The following CFAP251 variants were observed in gnomAD, a reference collection of about 807,000 sequenced individuals.
CFAP251 encodes the protein cilia- and flagella-associated protein 251.
A neutral mutation model predicts 126.7 loss-of-function variants in CFAP251; 93 were observed. The ratio of observed to expected loss-of-function variants is 0.73; its 90% CI spans 0.62 to 0.87. The LOEUF is 0.87. Among genes scored for constraint, CFAP251 ranks in the 40% least tolerant of loss-of-function variants. The pLI is 0.00. For missense variants in CFAP251, 1,287 were observed against 1,389.2 expected (o/e 0.93, Z 1.17); for synonymous variants, 503 against 506.9 (o/e 0.99, Z 0.10).
At position 121,942,943 on chromosome 12, in the gene CFAP251, A is replaced by C. The variant is rs1282310748; in HGVS notation, c.1159A>C (p.Thr387Pro). The part of the protein sequence containing the change: ...WTLAVETPAC[T>P]LELPTEYGVQ... ...TTTGGCAGTGGAAACGCCAGCATGC[A>C]CTCTCGAACTCCCCACAGAGTACGG... is the stretch of plus-strand genomic sequence containing the variant. Residue 387 changes from threonine to proline, a missense_variant, in exon 7 of 22, where the codon ACT becomes CCT. Thr to Pro is a conservative substitution (Grantham distance 38, BLOSUM62 -1). Coordinates refer to ENST00000288912, the MANE Select transcript of CFAP251 (RefSeq NM_144668.6). 6.2e-7 allele frequency: 1 copy of C among 1,614,048 alleles called. No individual in the cohort carries two copies. Among genetic ancestry groups the C allele is most frequent in the Admixed American group, 1.7e-5 (1 of 59,996 alleles).
At chr12:121,919,681 G>T (rs971922079) in intron 1 of CFAP251, among the ~76,000 whole-genome samples, 6 of 152,074 alleles carry the variant, frequency 3.9e-5, no homozygotes, top group Admixed American at 3.3e-4. Context: ...TGACAGCAAG[G>T]CCCTTGCTTT....
intron 21 of CFAP251, among the ~76,000 whole-genome samples, chr12:122,002,579 G>A (rs749879640): frequency 1.5e-4 from 23 of 152,022 alleles, no homozygotes; most frequent in Non-Finnish European, 2.4e-4. Context: ...ATTTGGAGAA[G>A]GAGAGAGCAT....
intron 19 of CFAP251, among the ~76,000 whole-genome samples, chr12:121,993,795 TG>T (rs571268921): frequency 1.8e-5 from 2 of 110,986 alleles, no homozygotes; most frequent in East Asian, 2.9e-4. Flanking sequence ...GGGAGGGAGG[TG>T]GGGGGGTCAG....
chr12:121,979,452 AG>A (rs1882560108), intron 19 of CFAP251, among the ~76,000 whole-genome samples: 1 of 152,002 alleles, frequency 6.6e-6, no homozygotes, highest in Admixed American at 6.6e-5. Context: ...CTCCAAGCAC[AG>A]GCTTGGGATT....
In CFAP251 at chr12:121,931,772, C is replaced by T. The variant is rs2135753190; in HGVS notation, c.774C>T (p.Asn258=). 2 of 1,595,590 alleles carry T rather than the reference C, an allele frequency of 1.3e-6. No individual in the cohort carries two copies. The highest frequency in any genetic ancestry group is 1.7e-6 in the Non-Finnish European group (2 of 1,172,180). The stretch of plus-strand genomic sequence containing the variant: ...CCATGACCTGGTCGTTTGGATGGAA[C>T]AGTTCTCTTCCTGTTTACTATATTC... ...PLTMTWSFGW[N]SSLPVYYIRE... Residue 258 remains asparagine (N), a synonymous_variant, in exon 4 of 22, where the codon AAC becomes AAT. Coordinates refer to ENST00000288912, the MANE Select transcript of CFAP251 (RefSeq NM_144668.6).
At chr12:121,968,410 G>A (rs1345472357) in intron 17 of CFAP251, among the ~76,000 whole-genome samples, 3 of 152,144 alleles carry the variant, frequency 2.0e-5, no homozygotes, top group Non-Finnish European at 4.4e-5. Context: ...GCTCACCCCT[G>A]CTCCCTAAAA....
chr12:121,954,200 A>G lies in CFAP251; in HGVS notation c.1401A>G (p.Glu467=). ...CACAAATACTCTCAGCCACAATGGA[A>G]GGGAAGCTGGTTGTCTGGGACATAC... ...NLTQILSATM[E]GKLVVWDIHR... is the part of the protein sequence containing the mutation. The change falls in exon 10 of 22, where the codon GAA becomes GAG. Residue 467 remains glutamate (E), a synonymous_variant. Transcript: ENST00000288912. 1 of 1,614,188 alleles carries G rather than the reference A, an allele frequency of 6.2e-7. No individual in the cohort carries two copies. The highest frequency in any genetic ancestry group is 8.5e-7 in the Non-Finnish European group (1 of 1,180,026).
intron 17 of CFAP251, among the ~76,000 whole-genome samples, chr12:121,972,392 A>G (rs182640931): frequency 8.9e-4 from 136 of 152,306 alleles, no homozygotes; most frequent in African/African-American, 3.2e-3. Context: ...TGATTCTGTT[A>G]TGTTTTAGCA....
At chr12:121,924,424 GTCT>G (rs1880322214) in intron 3 of CFAP251, among the ~76,000 whole-genome samples, 1 of 91,124 alleles carries the variant, frequency 1.1e-5, no homozygotes, top group African/African-American at 4.0e-5. Context: ...CTAGACTTGT[GTCT>G]TTTTTTTTTT....
chr12:121,992,573 T>C, intron 19 of CFAP251: 1 of 846,034 alleles, frequency 1.2e-6, no homozygotes, highest in Non-Finnish European at 1.4e-6. Context: ...TATTATTTCT[T>C]TTTTTTTTCT....
intron 6 of CFAP251, 37 bp from the exon 7 acceptor site, chr12:121,942,858 G>A (rs989699435): frequency 5.6e-6 from 9 of 1,609,696 alleles, no homozygotes; most frequent in African/African-American, 4.0e-5. Context: ...AGACTTCACA[G>A]ACCTTCTCAT....
At chr12:121,987,426 C>A (rs532792179) in intron 19 of CFAP251, among the ~76,000 whole-genome samples, 7 of 151,884 alleles carry the variant, frequency 4.6e-5, no homozygotes, top group South Asian at 2.1e-4. Context: ...AGAATGCAGG[C>A]GATAGAGTCC....
chr12:121,969,949 A>T, intron 17 of CFAP251: 1 of 985,402 alleles, frequency 1.0e-6, no homozygotes, highest in Non-Finnish European at 1.2e-6. Flanking sequence ...GGATCATTAT[A>T]AACTAATTAT....
At chr12:121,939,434 C>T (rs1423472126) in intron 5 of CFAP251, among the ~76,000 whole-genome samples, 1 of 152,078 alleles carries the variant, frequency 6.6e-6, no homozygotes, top group African/African-American at 2.4e-5. Context: ...TGCAGTCGGC[C>T]GGCAGAAGGG....
At chr12:121,939,131 A>T (rs1452920827) in intron 5 of CFAP251, among the ~76,000 whole-genome samples, 1 of 152,074 alleles carries the variant, frequency 6.6e-6, no homozygotes. Flanking sequence ...ACGTATATGG[A>T]TATCTTCATG....
At position 121,989,692 on chromosome 12, in the gene CFAP251, G is replaced by A. The variant is rs567857873; in HGVS notation, c.3007-10024G>A. Among the ~76,000 whole-genome samples, 2 of 152,256 alleles carry A rather than the reference G, an allele frequency of 1.3e-5. No individual in the cohort carries two copies. The highest frequency in any genetic ancestry group is 4.8e-5 in the African/African-American group (2 of 41,534). On this transcript the variant is annotated intron_variant, in intron 19 of 21. Transcript: ENST00000288912. The surrounding 1 kb of genome is among the most constrained non-coding windows in gnomAD (Gnocchi z 4.2). ...CCCATTAGTTGAGAATGTTCTAGAG[G>A]GTATTGTGCGTTGGGAAGAGGGCGT... is the stretch of plus-strand genomic sequence containing the variant.
chr12:121,947,955 C>T (rs913663475), intron 7 of CFAP251: 4 of 152,106 alleles, frequency 2.6e-5, no homozygotes, highest in East Asian at 1.9e-4. Context: ...GGCGTGGAGA[C>T]GGGGTGGAAA....
At chr12:121,980,408 CTTTT>C (rs548905552) in intron 19 of CFAP251, among the ~76,000 whole-genome samples, 3 of 139,436 alleles carry the variant, frequency 2.2e-5, no homozygotes, top group Admixed American at 7.2e-5. Context: ...TCACTTCCTT[CTTTT>C]TTTTTTTTTT....
chr12:121,950,599 C>A (rs1206152730), intron 8 of CFAP251: 5 of 152,034 alleles, frequency 3.3e-5, no homozygotes, highest in Non-Finnish European at 5.9e-5. Context: ...ACTCTGTCAT[C>A]CAGGCTGCAG....
Sources: allele counts gnomAD v4.1 joint callset (sites outside exome capture counted in the v4.1 genomes callset), GRCh38; gene constraint gnomAD v4.1.1; non-coding constraint Gnocchi (gnomAD v3.1); transcripts MANE v1.5; gene names NCBI Gene and HGNC (gene_info 2026-07-23, HGNC 2026-07-21).